Variants in FRMD6 observed in about 807,000 individuals in gnomAD.
The protein encoded by FRMD6 is FERM domain containing 6, also known as FERM domain-containing protein 6.
FRMD6 carries 37 observed loss-of-function variants against 73.2 expected under a neutral mutation model. The observed-to-expected ratio is 0.51, with a 90% CI of 0.39 to 0.66. The LOEUF (loss-of-function observed/expected upper bound fraction) is 0.66, where lower values mean the gene tolerates loss of function less well. Ranked by LOEUF, FRMD6 falls within the 30% of genes least tolerant of loss-of-function variation. The probability of loss-of-function intolerance (pLI) is 0.00; values close to 1 mark genes in which losing one functional copy is unlikely to be tolerated. For missense variants in FRMD6, 714 were observed against 780.5 expected (o/e 0.91, Z 1.02); for synonymous variants, 273 against 282.2 (o/e 0.97, Z 0.33).
At chr14:51,643,156 T>C (rs897260098) in intron 2 of FRMD6, among the ~76,000 whole-genome samples, 4 of 152,224 alleles carry the variant, frequency 2.6e-5, no homozygotes, top group Admixed American at 6.5e-5. Context: ...AAACCAGGGA[T>C]AATATCTTCT....
intron 1 of FRMD6, among the ~76,000 whole-genome samples, chr14:51,498,950 A>G (rs1000611505): frequency 4.6e-5 from 7 of 152,234 alleles, no homozygotes; most frequent in African/African-American, 1.7e-4. Context: ...GGTCCCACAA[A>G]GAGTGACTGA....
the FRMD6 span, among the ~76,000 whole-genome samples, chr14:51,410,285 G>A: frequency 6.6e-6 from 1 of 152,074 alleles, no homozygotes; most frequent in Non-Finnish European, 1.5e-5. Context: ...TGTATCTATA[G>A]GTTATTTAGT....
intron 1 of FRMD6, among the ~76,000 whole-genome samples, chr14:51,670,456 A>G (rs1279460344): frequency 6.6e-6 from 1 of 152,206 alleles, no homozygotes; most frequent in Non-Finnish European, 1.5e-5. Flanking sequence ...TTTCAAAACC[A>G]GGAAATTGAC....
At chr14:51,679,293 T>C (rs1391251398) in intron 1 of FRMD6, among the ~76,000 whole-genome samples, 1 of 3,286 alleles carries the variant, frequency 3.0e-4, no homozygotes, top group African/African-American at 3.6e-4. Flanking sequence ...TATAAAAATA[T>C]ACACACGTGT....
At chr14:51,535,642 G>T (rs1385598794) in intron 1 of FRMD6, among the ~76,000 whole-genome samples, 1 of 152,184 alleles carries the variant, frequency 6.6e-6, no homozygotes, top group Non-Finnish European at 1.5e-5. Context: ...GCACATTTGG[G>T]TTGTTTCCAT....
intron 1 of FRMD6, among the ~76,000 whole-genome samples, chr14:51,505,867 C>T (rs2145447): frequency 0.02 from 3,057 of 152,256 alleles, 103 homozygotes; most frequent in African/African-American, 0.07. Flanking sequence ...TTTCTTCACA[C>T]AGCCAATTGC....
At chr14:51,600,381 C>A (rs1889971355) in intron 2 of FRMD6, among the ~76,000 whole-genome samples, 1 of 152,172 alleles carries the variant, frequency 6.6e-6, no homozygotes, top group Non-Finnish European at 1.5e-5. Context: ...TTTTGGAAAT[C>A]CATGTGACCC....
intron 1 of FRMD6, among the ~76,000 whole-genome samples, chr14:51,520,068 CATAT>C (rs1250914170): frequency 6.6e-6 from 1 of 152,092 alleles, no homozygotes; most frequent in Non-Finnish European, 1.5e-5. Flanking sequence ...ATTCACAATA[CATAT>C]ATATGTCAAA....
intron 1 of FRMD6, among the ~76,000 whole-genome samples, chr14:51,505,677 G>A (rs941004694): frequency 6.6e-6 from 1 of 152,094 alleles, no homozygotes; most frequent in Non-Finnish European, 1.5e-5. Flanking sequence ...CACCTTAAAT[G>A]CAGCATGTTT....
At chr14:51,418,488 C>CTGCAGAACAGCAAATAT in the FRMD6 span, among the ~76,000 whole-genome samples, 1 of 152,200 alleles carries the variant, frequency 6.6e-6, no homozygotes, top group Non-Finnish European at 1.5e-5. Flanking sequence ...CCAGTAGAGG[C>CTGCAGAACAGCAAATAT]TGCAGAACAG....
intron 2 of FRMD6, among the ~76,000 whole-genome samples, chr14:51,596,062 T>C (rs539476712): frequency 7.9e-4 from 121 of 152,356 alleles, no homozygotes; most frequent in African/African-American, 2.8e-3. Flanking sequence ...GCAGAACTAA[T>C]GTTCCCACTG....
the FRMD6 span, among the ~76,000 whole-genome samples, chr14:51,413,020 C>T: frequency 7.5e-6 from 1 of 133,578 alleles, no homozygotes; most frequent in Non-Finnish European, 1.5e-5. Context: ...GAGATGGAGT[C>T]TCTCTCTGTC....
chr14:51,519,059 A>ATAG (rs1884798344), intron 1 of FRMD6, among the ~76,000 whole-genome samples: 1 of 152,210 alleles, frequency 6.6e-6, no homozygotes, highest in Non-Finnish European at 1.5e-5. Flanking sequence ...TTCACTAACA[A>ATAG]TAAACTAAAT....
intron 2 of FRMD6, among the ~76,000 whole-genome samples, chr14:51,589,777 A>G (rs1212149911): frequency 1.3e-5 from 2 of 152,330 alleles, no homozygotes; most frequent in East Asian, 1.9e-4. Context: ...ATAAATGATC[A>G]CGTAAATGAG....
intron 2 of FRMD6, among the ~76,000 whole-genome samples, chr14:51,571,323 G>A (rs1888125317): frequency 6.6e-6 from 1 of 152,256 alleles, no homozygotes; most frequent in Non-Finnish European, 1.5e-5. Context: ...ATGCTGCAGT[G>A]TGCCTCTGAA....
chr14:51,504,022 G>T (rs1376330731), intron 1 of FRMD6, among the ~76,000 whole-genome samples: 1 of 152,150 alleles, frequency 6.6e-6, no homozygotes, highest in East Asian at 1.9e-4. Context: ...TGTCATAGAG[G>T]TGTTTATAGT....
chr14:51,465,826 A>T, the FRMD6 span, among the ~76,000 whole-genome samples: 3 of 152,196 alleles, frequency 2.0e-5, no homozygotes, highest in African/African-American at 7.2e-5. Context: ...GTATCTAAGA[A>T]GAGAATGGCT....
chr14:51,637,878 AT>A (rs1209546558), intron 2 of FRMD6: 1 of 152,170 alleles, frequency 6.6e-6, no homozygotes, highest in Non-Finnish European at 1.5e-5. Flanking sequence ...AATTTAACTC[AT>A]CTTCTCTGGA....
At chr14:51,580,459 A>C (rs942175446) in intron 2 of FRMD6, among the ~76,000 whole-genome samples, 2 of 151,880 alleles carry the variant, frequency 1.3e-5, no homozygotes, top group Non-Finnish European at 3.0e-5. Context: ...AGGAGCTCTT[A>C]TTATTCCTAT....
Sources: gnomAD v4.1 joint callset for allele counts (sites outside exome capture counted in the v4.1 genomes callset) on GRCh38, gnomAD v4.1.1 for gene constraint, MANE v1.5 for transcripts, NCBI Gene and HGNC (gene_info 2026-07-23, HGNC 2026-07-21) for gene names.